Variants in MAP3K20 observed in about 807,000 individuals in gnomAD.
MAP3K20 encodes mitogen-activated protein kinase kinase kinase 20.
Under a neutral mutation model 85.7 loss-of-function variants are expected in MAP3K20, and 40 were observed. That is an observed-to-expected ratio of 0.47 (90% CI 0.36 to 0.61). The LOEUF (loss-of-function observed/expected upper bound fraction) is 0.61. MAP3K20 is among the 20% of genes least tolerant of loss of function. MAP3K20 has a pLI of 0.00. For missense variants in MAP3K20, 817 were observed against 961.7 expected (o/e 0.85, Z 1.99); for synonymous variants, 325 against 327.7 (o/e 0.99, Z 0.09).
intron 1 of MAP3K20, among the ~76,000 whole-genome samples, chr2:173,083,439 G>A (rs1408284567): frequency 6.6e-6 from 1 of 151,364 alleles, no homozygotes; most frequent in Non-Finnish European, 1.5e-5. Flanking sequence ...CTGCAGCCTC[G>A]ACCTCCTGGG....
chr2:173,089,738 C>T (rs189802484), intron 1 of MAP3K20, among the ~76,000 whole-genome samples: 235 of 152,176 alleles, frequency 1.5e-3, no homozygotes, highest in Admixed American at 2.6e-3. Flanking sequence ...TCTGCCACCA[C>T]ACCTGGCTAA....
At chr2:173,226,840 G>A in intron 11 of MAP3K20, 1 of 984,682 alleles carries the variant, frequency 1.0e-6, no homozygotes, top group Non-Finnish European at 1.2e-6. Flanking sequence ...GCTTTGAATA[G>A]ATGGCATTAT....
intron 16 of MAP3K20, among the ~76,000 whole-genome samples, chr2:173,248,644 T>C (rs560302614): frequency 6.6e-6 from 1 of 152,278 alleles, no homozygotes; most frequent in South Asian, 2.1e-4. Context: ...CAAGCTAGCA[T>C]GCCAGGAAGT....
intron 3 of MAP3K20, among the ~76,000 whole-genome samples, chr2:173,172,935 C>T (rs1355275233): frequency 6.6e-6 from 1 of 151,874 alleles, no homozygotes; most frequent in East Asian, 1.9e-4. Context: ...ATAGCTGGGA[C>T]TACAGGCGTG....
chr2:173,121,804 A>T (rs572511767), intron 2 of MAP3K20, among the ~76,000 whole-genome samples: 1 of 152,048 alleles, frequency 6.6e-6, no homozygotes, highest in African/African-American at 2.4e-5. Flanking sequence ...CTCAGTGTCT[A>T]TCTCCATGTT....
chr2:173,253,376 G>A (rs888818180), intron 16 of MAP3K20, among the ~76,000 whole-genome samples: 1 of 152,196 alleles, frequency 6.6e-6, no homozygotes, highest in African/African-American at 2.4e-5. Flanking sequence ...AAAGAATGCT[G>A]AGGTTCAGAA....
At chr2:173,091,311 G>A (rs964586796) in intron 2 of MAP3K20, 121 bp downstream of exon 2, 22 of 958,252 alleles carry the variant, frequency 2.3e-5, no homozygotes, top group Non-Finnish European at 3.0e-5. Context: ...ACTGATCCAC[G>A]AGGCCGTTTC....
chr2:173,243,139 A>C (rs1684830904), intron 16 of MAP3K20, among the ~76,000 whole-genome samples: 1 of 152,250 alleles, frequency 6.6e-6, no homozygotes. Context: ...CCTACAGCTT[A>C]TCATAAGCAA....
chr2:173,145,930 G>GATAT (rs3037115), intron 2 of MAP3K20, among the ~76,000 whole-genome samples: 2 of 151,268 alleles, frequency 1.3e-5, no homozygotes, highest in Non-Finnish European at 3.0e-5. Flanking sequence ...ATGAACTACT[G>GATAT]ATATATATAT....
chr2:173,240,272 A>G (rs1684750858), intron 16 of MAP3K20, among the ~76,000 whole-genome samples: 1 of 152,164 alleles, frequency 6.6e-6, no homozygotes, highest in Non-Finnish European at 1.5e-5. Flanking sequence ...TTAACTACTC[A>G]TAATGTGGAA....
intron 16 of MAP3K20, among the ~76,000 whole-genome samples, chr2:173,244,516 G>C (rs1684870940): frequency 6.6e-6 from 1 of 152,176 alleles, no homozygotes; most frequent in South Asian, 2.1e-4. Context: ...GATAACAAGA[G>C]AAAGTGTATG....
At chr2:173,135,735 T>C (rs1292416330) in intron 2 of MAP3K20, among the ~76,000 whole-genome samples, 1 of 152,234 alleles carries the variant, frequency 6.6e-6, no homozygotes, top group Non-Finnish European at 1.5e-5. Flanking sequence ...TTTCTCTGAA[T>C]TGTAAATGTC....
rs955781389 is a variant in MAP3K20, at chr2:173,198,320, G to A, written c.669+208G>A. ...TGTTGCAGCTTCACGTCGTGATGCT[G>A]TAGATCAAAAATTGTACAAGTACTG... is the stretch of plus-strand genomic sequence containing the variant. On this transcript the variant is annotated intron_variant, in intron 8 of 19. Transcript: ENST00000375213. This position sits in a 1 kb window ranked among gnomAD's most constrained non-coding sequence, Gnocchi z 5.8. The A allele has an allele frequency of 1.0e-5, 4 of 381,646 alleles. No homozygotes were observed. The highest frequency in any genetic ancestry group is 1.9e-5 in the Non-Finnish European group (4 of 207,772). 23.6% of individuals were successfully genotyped at this position (381,646 alleles called of 1,614,324 possible).
At chr2:173,131,360 T>C (rs1454941392) in intron 2 of MAP3K20, among the ~76,000 whole-genome samples, 1 of 152,228 alleles carries the variant, frequency 6.6e-6, no homozygotes, top group African/African-American at 2.4e-5. Flanking sequence ...CTTCAGGACA[T>C]GTTGCCATGG....
chr2:173,170,076 T>A (rs1433650500), intron 3 of MAP3K20, among the ~76,000 whole-genome samples, 184 bp downstream of exon 3: 1 of 152,244 alleles, frequency 6.6e-6, no homozygotes, highest in Non-Finnish European at 1.5e-5. Flanking sequence ...GTGTTTCCAC[T>A]TCTACCCATG....
chr2:173,116,013 T>TAA (rs201110882), intron 2 of MAP3K20, among the ~76,000 whole-genome samples: 287 of 145,252 alleles, frequency 2.0e-3, no homozygotes, highest in African/African-American at 3.2e-3. Flanking sequence ...AGAGTCTAAT[T>TAA]AAAAAAAAAA....
chr2:173,225,222 A>AATGCCACCCCAGTTG, intron 11 of MAP3K20: 1 of 827,508 alleles, frequency 1.2e-6, no homozygotes, highest in Non-Finnish European at 1.5e-6. Flanking sequence ...TGTCACAGCA[A>AATGCCACCCCAGTTG]CTGGGGTGGC....
chr2:173,261,165 G>T, intron 18 of MAP3K20, 28 bp downstream of exon 18: 1 of 1,607,354 alleles, frequency 6.2e-7, no homozygotes, highest in Non-Finnish European at 8.5e-7. Flanking sequence ...GAGGCTGGTG[G>T]CCTCACCATC....
intron 1 of MAP3K20, among the ~76,000 whole-genome samples, chr2:173,082,875 A>G (rs1446318157): frequency 6.6e-6 from 1 of 152,254 alleles, no homozygotes; most frequent in Non-Finnish European, 1.5e-5. Context: ...GTTTCCACGC[A>G]GCATTTCTGT....
Sources: allele counts gnomAD v4.1 joint callset (sites outside exome capture counted in the v4.1 genomes callset), GRCh38; gene constraint gnomAD v4.1.1; non-coding constraint Gnocchi (gnomAD v3.1); transcripts MANE v1.5; gene names NCBI Gene and HGNC (gene_info 2026-07-23, HGNC 2026-07-21).